Variants in PISD observed in about 807,000 individuals in gnomAD.
PISD encodes phosphatidylserine decarboxylase proenzyme, mitochondrial.
Under a neutral mutation model 43.5 loss-of-function variants are expected in PISD, and 31 were observed. The ratio of observed to expected loss-of-function variants is 0.71; its 90% CI spans 0.54 to 0.96. PISD has a LOEUF of 0.96. PISD is among the 40% of genes least tolerant of loss of function. The probability of loss-of-function intolerance (pLI) is 0.00; values close to 1 mark genes in which losing one functional copy is unlikely to be tolerated. For synonymous variants in PISD, 259 were observed against 228.7 expected, an observed-to-expected ratio of 1.13 and a Z score of -1.20; for missense variants, 523 against 548.4, an observed-to-expected ratio of 0.95 and a Z score of 0.46.
At chr22:31,643,239 CAT>C (rs1404105861) in intron 3 of PISD, among the ~76,000 whole-genome samples, 1 of 152,100 alleles carries the variant, frequency 6.6e-6, no homozygotes, top group Non-Finnish European at 1.5e-5. Context: ...AACATTCTGT[CAT>C]AGTGTTTGCT....
rs184027489 is a variant in PISD at position 31,658,947 on chromosome 22, G to A, written c.65+3197C>T. On this transcript the variant is annotated intron_variant, in intron 1 of 7. Transcript: ENST00000439502. Reference sequence around the variant, plus strand: ...TGGCTCACTGCAGCCTCAACCTCCTGGGCTCAGGCAATCCTCCTACCTCAG... The same window carrying A: ...TGGCTCACTGCAGCCTCAACCTCCTAGGCTCAGGCAATCCTCCTACCTCAG... 5.8e-4 allele frequency among the ~76,000 whole-genome samples: 87 copies of A among 150,540 alleles called. 2 individuals carry two copies. The South Asian group carries it at 0.014, about 24-fold the overall frequency.
In PISD at chr22:31,621,325, G is replaced by T; in HGVS notation, c.697+9C>A. On this transcript the variant is annotated intron_variant, in intron 5 of 7. Transcript: ENST00000439502. ...AGGGCTGCCTAGCCCCGCCTGTGCA[G>T]TGACCCACCTGGTGGGAAGGGCAGG... is the stretch of plus-strand genomic sequence containing the variant. 6.2e-7 allele frequency: 1 copy of T among 1,613,994 alleles called. No individual in the cohort carries two copies. The highest frequency in any genetic ancestry group is 8.5e-7 in the Non-Finnish European group (1 of 1,179,986).
chr22:31,620,376 C>T (rs989794069), intron 7 of PISD, among the ~76,000 whole-genome samples, 177 bp downstream of exon 7: 5 of 152,252 alleles, frequency 3.3e-5, no homozygotes, highest in Admixed American at 2.6e-4. Flanking sequence ...AGGGAAGCCT[C>T]AGCTGGCTGG....
At chr22:31,650,641 T>C in intron 2 of PISD, 58 bp downstream of exon 2, 1 of 1,000,518 alleles carries the variant, frequency 1.0e-6, no homozygotes, top group South Asian at 1.4e-5. Flanking sequence ...TATCCCAATT[T>C]ACAGATGACC....
intron 3 of PISD, chr22:31,629,557 C>T (rs1263406688): frequency 1.1e-5 from 1 of 92,678 alleles, no homozygotes; most frequent in Non-Finnish European, 2.1e-5. Context: ...GGGTGTGTGC[C>T]TGTAGGGGGC....
At chr22:31,633,856 T>A (rs571018440) in intron 3 of PISD, among the ~76,000 whole-genome samples, 11 of 152,214 alleles carry the variant, frequency 7.2e-5, no homozygotes, top group Non-Finnish European at 1.0e-4. Context: ...TTTTGAACAA[T>A]CACTTACAAG....
chr22:31,636,814 T>C (rs1431185511), intron 3 of PISD, among the ~76,000 whole-genome samples: 1 of 151,696 alleles, frequency 6.6e-6, no homozygotes, highest in Non-Finnish European at 1.5e-5. Flanking sequence ...AGTGCTGGGA[T>C]TACAGGCATG....
chr22:31,625,744 G>A (rs1274684663), intron 3 of PISD: 7 of 1,571,654 alleles, frequency 4.5e-6, no homozygotes, highest in East Asian at 2.3e-5. Context: ...GGGTTAGGGC[G>A]CGGTGGGCAG....
At chr22:31,628,639 A>C (rs1412080080) in intron 3 of PISD, among the ~76,000 whole-genome samples, 1 of 152,008 alleles carries the variant, frequency 6.6e-6, no homozygotes, top group Non-Finnish European at 1.5e-5. Flanking sequence ...GCCTTCCTCT[A>C]CCTCTGCCCT....
chr22:31,623,570 T>C (rs1337223231), intron 3 of PISD: 5 of 1,057,676 alleles, frequency 4.7e-6, no homozygotes, highest in Non-Finnish European at 6.8e-6. Flanking sequence ...CCCCTGAAGA[T>C]GTAGCGGTGA....
intron 3 of PISD, 100 bp from the exon 4 acceptor site, chr22:31,621,985 TG>T: frequency 1.1e-6 from 1 of 912,148 alleles, no homozygotes; most frequent in Non-Finnish European, 1.7e-6. Flanking sequence ...GGGGAGAATC[TG>T]CACCCCACGG....
intron 3 of PISD, among the ~76,000 whole-genome samples, chr22:31,624,430 C>G (rs918454715): frequency 6.6e-6 from 1 of 152,224 alleles, no homozygotes; most frequent in South Asian, 2.1e-4. Context: ...GGTTCCAGGC[C>G]CCCCCTTTCC....
Position 31,621,280 on chromosome 22 carries a change from C to A in PISD, c.697+54G>T. ...CCTTCCCCAGCATTCCCCTCCCTCC[C>A]GGTCCAGCCACACAGCAGCAGGGCT... is the stretch of plus-strand genomic sequence containing the variant. On this transcript the variant is annotated intron_variant, in intron 5 of 7. Coordinates refer to ENST00000439502, the MANE Select transcript of PISD (RefSeq NM_001326411.2). 9 of 1,611,496 alleles carry A rather than the reference C, an allele frequency of 5.6e-6. 1 individual carries two copies. In the South Asian group the frequency reaches 8.8e-5, roughly 16 times the overall value.
intron 3 of PISD, among the ~76,000 whole-genome samples, chr22:31,643,438 A>G (rs772994610): frequency 9.2e-5 from 14 of 152,140 alleles, no homozygotes; most frequent in Non-Finnish European, 1.9e-4. Context: ...TGGATAAAAG[A>G]CTTAAATATA....
chr22:31,653,709 A>T (rs755475933), intron 1 of PISD, among the ~76,000 whole-genome samples: 5 of 152,228 alleles, frequency 3.3e-5, no homozygotes, highest in African/African-American at 2.4e-5. Flanking sequence ...CTAGCTGAGC[A>T]TGGTGGCTCA....
intron 3 of PISD, among the ~76,000 whole-genome samples, chr22:31,647,896 A>G (rs1192452207): frequency 1.3e-5 from 2 of 152,228 alleles, no homozygotes; most frequent in African/African-American, 2.4e-5. Flanking sequence ...ACCCTTGGGG[A>G]GACCAGGGTA....
rs2073713017 is a variant in PISD at position 31,641,117 on chromosome 22, C to A, written c.321+6984G>T. On this transcript the variant is annotated intron_variant, in intron 3 of 7. Transcript: ENST00000439502. ...GGTCGGGCTGGTCTTAACTCCTGAC[C>A]TCAGGTGATCCACCCACCTCGACAT... 2.6e-5 allele frequency among the ~76,000 whole-genome samples: 4 copies of A among 151,788 alleles called. 1 individual carries two copies. In the South Asian group the frequency reaches 8.3e-4, roughly 32 times the overall value.
chr22:31,648,394 G>C, intron 2 of PISD, 118 bp from the exon 3 acceptor site: 1 of 796,814 alleles, frequency 1.3e-6, no homozygotes, highest in East Asian at 2.7e-5. Flanking sequence ...GCCCTCAGTA[G>C]GGGACCAGGC....
intron 3 of PISD, among the ~76,000 whole-genome samples, chr22:31,642,316 G>A (rs2073757965): frequency 6.6e-6 from 1 of 150,918 alleles, no homozygotes; most frequent in Non-Finnish European, 1.5e-5. Context: ...TGTGGTGGTG[G>A]TGCATGCCTG....
Sources: gnomAD v4.1 joint callset for allele counts (sites outside exome capture counted in the v4.1 genomes callset) on GRCh38, gnomAD v4.1.1 for gene constraint, MANE v1.5 for transcripts, NCBI Gene and HGNC (gene_info 2026-07-23, HGNC 2026-07-21) for gene names.